Variants in BICRA observed in about 807,000 individuals in gnomAD.
The protein encoded by BICRA is BRD4-interacting chromatin-remodeling complex-associated protein.
In BICRA, 31 loss-of-function variants were observed where a neutral mutation model predicts 96.9. The ratio of observed to expected loss-of-function variants is 0.32; its 90% CI spans 0.24 to 0.43. The LOEUF (loss-of-function observed/expected upper bound fraction) is 0.43. Among genes scored for constraint, BICRA ranks in the 20% least tolerant of loss-of-function variants. BICRA has a pLI of 1.00. For synonymous variants in BICRA, 1,350 were observed against 1,071.8 expected (o/e 1.26, Z -5.07); for missense variants, 2,283 against 2,190.3 (o/e 1.04, Z -0.84).
intron 1 of BICRA, among the ~76,000 whole-genome samples, chr19:47,620,163 AT>A (rs1248543026): frequency 6.6e-6 from 1 of 152,002 alleles, no homozygotes; most frequent in African/African-American, 2.4e-5. Context: ...TCCCGTGAGT[AT>A]TTCTTCAAGC....
At chr19:47,654,277 T>G (rs758487922) in intron 1 of BICRA, among the ~76,000 whole-genome samples, 2 of 152,188 alleles carry the variant, frequency 1.3e-5, no homozygotes, top group African/African-American at 2.4e-5. Flanking sequence ...ACTTCCCTGG[T>G]GGCTAATGAT....
In BICRA at chr19:47,684,222, G is replaced by A. The variant is rs190337234; in HGVS notation, c.2283+2070G>A. On this transcript the variant is annotated intron_variant, in intron 7 of 14. Coordinates refer to ENST00000594866, the MANE Select transcript of BICRA (RefSeq NM_001394372.1). ...GAGGGGGACAGAGTCCCACTCCGTC[G>A]CCTAGGCTGCAGTGCAGTGGCAAGA... is the stretch of plus-strand genomic sequence containing the variant. Among the ~76,000 whole-genome samples, 7 of 152,174 alleles carry A rather than the reference G, an allele frequency of 4.6e-5. No homozygotes were observed. The East Asian group carries it at 7.8e-4, about 17-fold the overall frequency.
In BICRA at chr19:47,701,356, C is replaced by G; in HGVS notation, c.3624C>G (p.Leu1208=). The change falls in exon 15 of 15, where the codon CTC becomes CTG. Residue 1208 remains leucine (L), a synonymous_variant. Coordinates refer to ENST00000594866, the MANE Select transcript of BICRA (RefSeq NM_001394372.1). The surrounding 1 kb of genome is among the most constrained non-coding windows in gnomAD (Gnocchi z 5.4). The part of the protein sequence containing the change: ...PDEYVSSSRS[L]GLPIAASSEG... ...AGTACGTGTCTTCCTCCCGCTCGCTCGGCCTCCCCATCGCAGCCTCTTCCG... is the reference window on the plus strand; with the variant it reads ...AGTACGTGTCTTCCTCCCGCTCGCTGGGCCTCCCCATCGCAGCCTCTTCCG... The G allele has an allele frequency of 3.7e-6, 6 of 1,611,472 alleles. No individual in the cohort carries two copies. Among genetic ancestry groups the G allele is most frequent in the Non-Finnish European group, 5.1e-6 (6 of 1,179,432 alleles).
Position 47,694,470 on chromosome 19 carries a change from C to A in BICRA, c.2639C>A (p.Pro880His). 1 of 1,337,868 alleles carries A rather than the reference C, an allele frequency of 7.5e-7. No homozygotes were observed. Among genetic ancestry groups the A allele is most frequent in the Non-Finnish European group, 1.1e-6 (1 of 936,228 alleles). 82.9% of individuals were successfully genotyped at this position (1,337,868 alleles called of 1,614,324 possible). A position where few individuals can be genotyped will look rare whatever the true frequency, so the allele number is the denominator to read the frequency against. Residue 880 changes from proline to histidine, a missense_variant, in exon 8 of 15, where the codon CCT becomes CAT. Coordinates refer to ENST00000594866, the MANE Select transcript of BICRA (RefSeq NM_001394372.1). ...CCGCTGCCCCCAGCCCCCCACCTCCCTCCATCCTCCACCTCCTCTGCTGTG... is the reference window on the plus strand; with the variant it reads ...CCGCTGCCCCCAGCCCCCCACCTCCATCCATCCTCCACCTCCTCTGCTGTG... ...EGPLPPAPHL[P>H]PSSTSSAVAS...
rs1311032383 is a variant in BICRA, at chr19:47,702,342, C to T, written c.4610C>T (p.Pro1537Leu). Residue 1537 changes from proline (P) to leucine (L), a missense_variant, in exon 15 of 15, where the codon CCC becomes CTC. Coordinates refer to ENST00000594866, the MANE Select transcript of BICRA (RefSeq NM_001394372.1). ...ASAGTPASPP[P>L]LHRPEAYPPS... ...GCCGGCACCCCCGCATCCCCGCCGC[C>T]CCTGCACAGGCCCGAGGCCTACCCA... The T allele has an allele frequency of 5.8e-6, 9 of 1,547,294 alleles. No individual in the cohort carries two copies. In the Admixed American group the frequency reaches 9.8e-5, roughly 17 times the overall value.
At chr19:47,613,592 CAGA>C (rs1971941703) in intron 1 of BICRA, among the ~76,000 whole-genome samples, 1 of 152,176 alleles carries the variant, frequency 6.6e-6, no homozygotes, top group Admixed American at 6.5e-5. Context: ...GCTCCCCCAG[CAGA>C]AGAATTGCCC....
At chr19:47,648,850 C>CCA (rs1213790658) in intron 1 of BICRA, among the ~76,000 whole-genome samples, 6 of 148,104 alleles carry the variant, frequency 4.1e-5, no homozygotes, top group East Asian at 2.0e-4. Flanking sequence ...CCACGCTGGG[C>CCA]TATTTTTTTT....
rs1973409432 is a variant in BICRA at position 47,699,618 on chromosome 19, G to A, written c.3595+213G>A. ...CCCACATCCATCTTCCTCCATCCCT[G>A]TGTGGCCCTTCCACCCCCACCACTC... On this transcript the variant is annotated intron_variant, in intron 14 of 14. Coordinates refer to ENST00000594866, the MANE Select transcript of BICRA (RefSeq NM_001394372.1). This position sits in a 1 kb window ranked among gnomAD's most constrained non-coding sequence, Gnocchi z 5.0. 6.6e-6 allele frequency among the ~76,000 whole-genome samples: 1 copy of A among 152,132 alleles called. No homozygotes were observed. Among genetic ancestry groups the A allele is most frequent in the South Asian group, 2.1e-4 (1 of 4,830 alleles).
Position 47,695,374 on chromosome 19 carries a change from C to T in BICRA, c.3086C>T (p.Pro1029Leu), listed in dbSNP as rs1282398577. 7 of 1,490,432 alleles carry T rather than the reference C, an allele frequency of 4.7e-6. No homozygotes were observed. Among genetic ancestry groups the T allele is most frequent in the Admixed American group, 3.8e-5 (2 of 52,892 alleles). The allele number at this position is 1,490,432 out of a possible 1,614,324, so 92.3% of individuals were successfully genotyped here. Residue 1029 changes from proline (P) to leucine (L), a missense_variant, in exon 10 of 15, where the codon CCT becomes CTT. Transcript: ENST00000594866. The part of the protein sequence containing the change: ...PAPMAATGLP[P>L]LLPAENKAFA... ...CCCCACCCACCCCCAGGCCTCCCTC[C>T]TCTGCTTCCAGCCGAGAACAAGGCT...
rs1167993679 is a variant in BICRA, at chr19:47,695,086, A to G, written c.3076+6A>G. 1 of 1,487,972 alleles carries G rather than the reference A, an allele frequency of 6.7e-7. No homozygotes were observed. Among genetic ancestry groups the G allele is most frequent in the Non-Finnish European group, 8.9e-7 (1 of 1,126,572 alleles). 92.2% of individuals were successfully genotyped at this position (1,487,972 alleles called of 1,614,324 possible). The stretch of plus-strand genomic sequence containing the variant: ...GGCACCCATGGCCGCCACAGGTAGG[A>G]GAGAGGTCGCCTATGTGCCCAGGGA... On this transcript the variant is annotated splice_donor_region_variant and intron_variant, in intron 9 of 14. Transcript: ENST00000594866.
chr19:47,653,910 G>A, intron 1 of BICRA, among the ~76,000 whole-genome samples: 1 of 152,120 alleles, frequency 6.6e-6, no homozygotes, highest in Non-Finnish European at 1.5e-5. Context: ...TCAGCTCACT[G>A]CAACCTGTGC....
intron 1 of BICRA, among the ~76,000 whole-genome samples, chr19:47,658,108 C>A (rs531585881): frequency 2.0e-5 from 3 of 152,172 alleles, no homozygotes; most frequent in Non-Finnish European, 4.4e-5. Context: ...GCCTCTTTAG[C>A]CAAATGTGAA....
At position 47,694,357 on chromosome 19, in the gene BICRA, C is replaced by A; in HGVS notation, c.2526C>A (p.Gly842=). ...TCTTTGTCATCCAAAACCAGCTAGGCGTTCCCCCGCCTGCCAGCAACCCGG... is the reference window on the plus strand; with the variant it reads ...TCTTTGTCATCCAAAACCAGCTAGGAGTTCCCCCGCCTGCCAGCAACCCGG... ...PGIFVIQNQL[G]VPPPASNPAP... The change falls in exon 8 of 15, where the codon GGC becomes GGA. Residue 842 remains glycine, a synonymous_variant. Transcript: ENST00000594866. 3 of 1,239,062 alleles carry A rather than the reference C, an allele frequency of 2.4e-6. No individual in the cohort carries two copies. Among genetic ancestry groups the A allele is most frequent in the Non-Finnish European group, 3.4e-6 (3 of 882,510 alleles). 76.8% of individuals were successfully genotyped at this position (1,239,062 alleles called of 1,614,324 possible). A position where few individuals can be genotyped will look rare whatever the true frequency, so the allele number is the denominator to read the frequency against.
At chr19:47,615,541 G>A (rs1043292999) in intron 1 of BICRA, among the ~76,000 whole-genome samples, 4 of 152,166 alleles carry the variant, frequency 2.6e-5, no homozygotes, top group African/African-American at 9.7e-5. Flanking sequence ...CTGAATGGCT[G>A]TGGACAGGGG....
In BICRA at chr19:47,681,246, T is replaced by C; in HGVS notation, c.2076T>C (p.Thr692=). The part of the protein sequence containing the change: ...PPSATPTAIL[T]QDSLQMFLPQ... The stretch of plus-strand genomic sequence containing the variant: ...CTGCCACCCCCACGGCCATCCTCAC[T>C]CAGGACTCCCTGCAGATGTTCCTGC... The change falls in exon 6 of 15, where the codon ACT becomes ACC. Residue 692 remains threonine (T), a synonymous_variant. Transcript: ENST00000594866. The C allele has an allele frequency of 1.3e-6, 2 of 1,538,048 alleles. No individual in the cohort carries two copies. Among genetic ancestry groups the C allele is most frequent in the Non-Finnish European group, 1.7e-6 (2 of 1,147,718 alleles).
chr19:47,695,497 G>A, intron 10 of BICRA, 23 bp downstream of exon 10: 4 of 1,129,586 alleles, frequency 3.5e-6, no homozygotes, highest in Non-Finnish European at 5.3e-6. Flanking sequence ...TAGAGCAGGG[G>A]TCAGGACAGG....
At chr19:47,686,099 A>C (rs1338861599) in intron 7 of BICRA, among the ~76,000 whole-genome samples, 2 of 151,162 alleles carry the variant, frequency 1.3e-5, no homozygotes, top group East Asian at 3.9e-4. Flanking sequence ...TCCAGCTAAT[A>C]TTTGTATTTT....
chr19:47,669,320 G>A (rs187811818), intron 1 of BICRA, among the ~76,000 whole-genome samples: 1 of 152,062 alleles, frequency 6.6e-6, no homozygotes, highest in African/African-American at 2.4e-5. Flanking sequence ...AAACAGAAAC[G>A]CATATAAGTC....
intron 7 of BICRA, among the ~76,000 whole-genome samples, chr19:47,687,787 A>T (rs1973181235): frequency 7.1e-6 from 1 of 140,480 alleles, no homozygotes; most frequent in African/African-American, 2.7e-5. Context: ...GTGCCACTAC[A>T]CTCTAGCCTA....
Sources: gnomAD v4.1 joint callset for allele counts (sites outside exome capture counted in the v4.1 genomes callset) on GRCh38, gnomAD v4.1.1 for gene constraint, Gnocchi (gnomAD v3.1) non-coding constraint, MANE v1.5 for transcripts, NCBI Gene and HGNC (gene_info 2026-07-23, HGNC 2026-07-21) for gene names.